Variants in GAPDHS observed in about 807,000 individuals in gnomAD.
GAPDHS encodes glyceraldehyde-3-phosphate dehydrogenase, spermatogenic.
In GAPDHS, 42 loss-of-function variants were observed where a neutral mutation model predicts 48.7. That is an observed-to-expected ratio of 0.86 (90% confidence interval 0.67 to 1.12). The LOEUF (loss-of-function observed/expected upper bound fraction) is 1.12. Ranked by LOEUF, GAPDHS falls within the 50% of genes most tolerant of loss-of-function variation. The pLI, the probability that GAPDHS is intolerant of heterozygous loss-of-function variation, is 0.00. For missense variants in GAPDHS, 512 were observed against 557.7 expected (o/e 0.92, Z 0.82); for synonymous variants, 166 against 219.1 (o/e 0.76, Z 2.14).
chr19:35,543,483 G>C lies in GAPDHS; in HGVS notation c.885G>C (p.Glu295Asp). The change falls in exon 8 of 11, where the codon GAG becomes GAC. Residue 295 changes from glutamate (E) to aspartate (D), a missense_variant. Transcript: ENST00000222286. ...AAKAVTKVIP[E>D]LKGKLTGMAF... ...AAGCTGTGACCAAAGTCATCCCAGA[G>C]CTCAAAGGGTATGAGGACAAGAAGC... The C allele has an allele frequency of 6.2e-7, 1 of 1,604,888 alleles. No homozygotes were observed. The highest frequency in any genetic ancestry group is 1.1e-5 in the South Asian group (1 of 90,078).
rs776205881 is a variant in GAPDHS at position 35,543,659 on chromosome 19, C to A, written c.894-6C>A. Reference sequence around the variant, plus strand: ...TGACTCCTGTTCCTCATGGGGGATTCTCCAGGAAGCTGACAGGGATGGCGT... The same window carrying A: ...TGACTCCTGTTCCTCATGGGGGATTATCCAGGAAGCTGACAGGGATGGCGT... On this transcript the variant is annotated splice_region_variant and splice_polypyrimidine_tract_variant and intron_variant, in intron 8 of 10. Coordinates refer to ENST00000222286, the MANE Select transcript of GAPDHS (RefSeq NM_014364.5). 26 of 1,612,892 alleles carry A rather than the reference C, an allele frequency of 1.6e-5. No homozygotes were observed. The highest frequency in any genetic ancestry group is 2.7e-5 in the African/African-American group (2 of 74,910).
chr19:35,534,352 C>T (rs1415622297), intron 1 of GAPDHS, among the ~76,000 whole-genome samples: 3 of 152,214 alleles, frequency 2.0e-5, no homozygotes, highest in Admixed American at 2.0e-4. Flanking sequence ...CTGGAAGACA[C>T]AGGAGCAGAC....
chr19:35,538,479 G>T lies in GAPDHS; in HGVS notation c.342+76G>T, dbSNP rs1021139259. The T allele has an allele frequency of 1.6e-5, 20 of 1,278,274 alleles. No homozygotes were observed. The African/African-American group carries it at 2.6e-4, about 17-fold the overall frequency. 79.2% of individuals were successfully genotyped at this position (1,278,274 alleles called of 1,614,324 possible). On this transcript the variant is annotated intron_variant, in intron 3 of 10. Transcript: ENST00000222286. ...AGGGACTCAGGGAAGCTGTATGGAA[G>T]GCTCTCAGCTGTAATGTGAGACCTT...
At chr19:35,539,203 C>T (rs2071485336) in intron 4 of GAPDHS, among the ~76,000 whole-genome samples, 1 of 152,196 alleles carries the variant, frequency 6.6e-6, no homozygotes. Context: ...TGCTTTAACG[C>T]ACATTTGCAT....
At chr19:35,538,721 A>G in intron 4 of GAPDHS, 38 bp downstream of exon 4, 1 of 1,275,056 alleles carries the variant, frequency 7.8e-7, no homozygotes, top group Admixed American at 1.7e-5. Context: ...GCTGTGACAT[A>G]TTGAGGCAGG....
At position 35,539,352 on chromosome 19, in the gene GAPDHS, C is replaced by T. The variant is rs529495546; in HGVS notation, c.449+669C>T. Among the ~76,000 whole-genome samples, 90 of 152,276 alleles carry T rather than the reference C, an allele frequency of 5.9e-4. No individual in the cohort carries two copies. The Middle Eastern group carries it at 0.017, about 29-fold the overall frequency. Reference sequence around the variant, plus strand: ...GGAGGAAGGTATAATGAGGCTTGTGCGAACATCCGAACATCCGTTCCCATC... The same window carrying T: ...GGAGGAAGGTATAATGAGGCTTGTGTGAACATCCGAACATCCGTTCCCATC... On this transcript the variant is annotated intron_variant, in intron 4 of 10. Coordinates refer to ENST00000222286, the MANE Select transcript of GAPDHS (RefSeq NM_014364.5).
intron 1 of GAPDHS, among the ~76,000 whole-genome samples, chr19:35,534,569 G>A (rs544169202): frequency 2.8e-4 from 43 of 152,256 alleles, no homozygotes; most frequent in African/African-American, 1.0e-3. Flanking sequence ...CAGTGGAGGG[G>A]AAGAGAGTGC....
chr19:35,535,181 C>T (rs532384049), intron 1 of GAPDHS, among the ~76,000 whole-genome samples: 1 of 152,294 alleles, frequency 6.6e-6, no homozygotes, highest in East Asian at 1.9e-4. Context: ...CCTGAGTCTC[C>T]ACTTCTCCCC....
At chr19:35,539,850 G>A (rs1040518044) in intron 4 of GAPDHS, among the ~76,000 whole-genome samples, 5 of 152,154 alleles carry the variant, frequency 3.3e-5, no homozygotes, top group African/African-American at 1.2e-4. Context: ...ACTTCAACGT[G>A]GCCACCACCA....
Position 35,543,467 on chromosome 19 carries a change from C to T in GAPDHS, c.869C>T (p.Thr290Ile), listed in dbSNP as rs370151832. 1,396 of 1,605,294 alleles carry T rather than the reference C, an allele frequency of 8.7e-4. 18 individuals carry two copies. The South Asian group carries it at 0.011, about 13-fold the overall frequency. The change falls in exon 8 of 11, where the codon ACC becomes ATC. Residue 290 changes from threonine (T) to isoleucine (I), a missense_variant. Transcript: ENST00000222286. ...TCCACTGGGGCTGCGAAAGCTGTGA[C>T]CAAAGTCATCCCAGAGCTCAAAGGG... ...PASTGAAKAV[T>I]KVIPELKGKL...
intron 7 of GAPDHS, 60 bp downstream of exon 7, chr19:35,543,086 G>A (rs558580834): frequency 5.3e-5 from 70 of 1,322,870 alleles, no homozygotes; most frequent in South Asian, 9.4e-5. Flanking sequence ...ACTTCTTCCC[G>A]GGCCTTGCTT....
Position 35,543,389 on chromosome 19 carries a change from C to T in GAPDHS, c.791C>T (p.Ser264Leu). ...ACCCAGAAGACAGTGGACGGGCCAT[C>T]AAGGAAGGCCTGGCGAGATGGGCGG... ...TATQKTVDGP[S>L]RKAWRDGRGA... Residue 264 changes from serine (S) to leucine (L), a missense_variant, in exon 8 of 11, where the codon TCA becomes TTA. Coordinates refer to ENST00000222286, the MANE Select transcript of GAPDHS (RefSeq NM_014364.5). 1 of 1,612,650 alleles carries T rather than the reference C, an allele frequency of 6.2e-7. No homozygotes were observed. Among genetic ancestry groups the T allele is most frequent in the Non-Finnish European group, 8.5e-7 (1 of 1,179,532 alleles).
chr19:35,538,203 T>C, intron 2 of GAPDHS, 104 bp from the exon 3 acceptor site: 4 of 744,020 alleles, frequency 5.4e-6, no homozygotes, highest in Non-Finnish European at 9.3e-6. Flanking sequence ...ACAGAGGTTG[T>C]TGCCTTCTTC....
chr19:35,544,618 G>A, intron 9 of GAPDHS: 2 of 435,984 alleles, frequency 4.6e-6, no homozygotes, highest in Non-Finnish European at 8.5e-6. Context: ...CCCTCAGAGA[G>A]GCCCTCCATG....
chr19:35,544,086 G>T, intron 9 of GAPDHS: 1 of 451,502 alleles, frequency 2.2e-6, no homozygotes, highest in Non-Finnish European at 3.8e-6. Context: ...CTCAAAATAT[G>T]TTCTTTTTGT....
intron 1 of GAPDHS, among the ~76,000 whole-genome samples, chr19:35,533,833 T>C (rs1314072176): frequency 6.6e-6 from 1 of 152,164 alleles, no homozygotes; most frequent in Admixed American, 6.5e-5. Flanking sequence ...CGCGCCGCTA[T>C]CACGCGGTAG....
rs756398370 is a variant in GAPDHS, at chr19:35,542,390, T to C, written c.521T>C (p.Leu174Pro). The C allele has an allele frequency of 1.9e-6, 3 of 1,605,236 alleles. No individual in the cohort carries two copies. Among genetic ancestry groups the C allele is most frequent in the Admixed American group, 3.3e-5 (2 of 59,880 alleles). ...PYVVESTGVY[L>P]SIQAASDHIS... ...GTGGTGGAGTCCACAGGCGTGTACCTCTCCATACAGGCAGCTTCGGTAAGC... is the reference window on the plus strand; with the variant it reads ...GTGGTGGAGTCCACAGGCGTGTACCCCTCCATACAGGCAGCTTCGGTAAGC... The change falls in exon 5 of 11, where the codon CTC (leucine) becomes CCC (proline). Residue 174 changes from leucine (L) to proline (P), a missense_variant. Coordinates refer to ENST00000222286, the MANE Select transcript of GAPDHS (RefSeq NM_014364.5).
At chr19:35,536,576 G>A (rs374036029) in intron 1 of GAPDHS, among the ~76,000 whole-genome samples, 32 of 151,424 alleles carry the variant, frequency 2.1e-4, no homozygotes, top group South Asian at 4.2e-4. Flanking sequence ...ACTCTGTCTC[G>A]GGAAAAAAAA....
chr19:35,534,033 G>A (rs768502332), intron 1 of GAPDHS, among the ~76,000 whole-genome samples: 14 of 152,234 alleles, frequency 9.2e-5, no homozygotes, highest in Non-Finnish European at 1.9e-4. Context: ...GAACCTTGCC[G>A]GGGACGTGCT....
Sources: allele counts gnomAD v4.1 joint callset (sites outside exome capture counted in the v4.1 genomes callset), GRCh38; gene constraint gnomAD v4.1.1; transcripts MANE v1.5; gene names NCBI Gene and HGNC (gene_info 2026-07-23, HGNC 2026-07-21).